The following RGS5 variants were observed in gnomAD, a reference collection of about 807,000 sequenced individuals.
RGS5 encodes regulator of G-protein signalling 5.
In RGS5, 20 loss-of-function variants were observed where a neutral mutation model predicts 18.9. The observed-to-expected ratio is 1.06, with a 90% CI of 0.74 to 1.54. RGS5 has a LOEUF of 1.54. RGS5 is among the 40% of genes most tolerant of loss of function. The pLI is 0.00. For synonymous variants in RGS5, 57 were observed against 76.2 expected, an observed-to-expected ratio of 0.75 and a Z score of 1.31; for missense variants, 201 against 211.8, an observed-to-expected ratio of 0.95 and a Z score of 0.32.
chr1:163,205,117 G>A (rs1659912775), upstream of RGS5, among the ~76,000 whole-genome samples: 1 of 152,138 alleles, frequency 6.6e-6, no homozygotes, highest in South Asian at 2.1e-4. Context: ...GTAAAAGAGT[G>A]TGCTCTAGAG....
chr1:163,169,204 A>G (rs1395484118), intron 1 of RGS5, among the ~76,000 whole-genome samples: 1 of 152,006 alleles, frequency 6.6e-6, no homozygotes, highest in East Asian at 1.9e-4. Flanking sequence ...ATCATTTTTT[A>G]TGGCTGCATA....
At position 163,172,646 on chromosome 1, in the gene RGS5, A is replaced by G. The variant is rs1159608395; in HGVS notation, c.45-4278T>C. ...AGTGCTTTGGAAAACACTTCTTTCTATGGCTTCAGTTTCTGGCTTGGTATA... is the reference window on the plus strand; with the variant it reads ...AGTGCTTTGGAAAACACTTCTTTCTGTGGCTTCAGTTTCTGGCTTGGTATA... On this transcript the variant is annotated intron_variant, in intron 1 of 4. Coordinates refer to ENST00000313961, the MANE Select transcript of RGS5 (RefSeq NM_003617.4). The G allele has an allele frequency of 5.8e-6, 9 of 1,544,398 alleles. No individual in the cohort carries two copies. The South Asian group carries it at 6.0e-5, about 10-fold the overall frequency.
chr1:163,221,477 C>A (rs1340206761), upstream of RGS5, among the ~76,000 whole-genome samples: 1 of 149,824 alleles, frequency 6.7e-6, no homozygotes, highest in Non-Finnish European at 1.5e-5. Context: ...CAGAGCAAGA[C>A]TACATCTCAA....
chr1:163,268,601 T>C (rs778724869), intron 2 of RGS5, among the ~76,000 whole-genome samples: 10 of 152,166 alleles, frequency 6.6e-5, no homozygotes, highest in African/African-American at 2.4e-4. Flanking sequence ...AACTCTCACA[T>C]GCCAAACCAA....
intron 2 of RGS5, among the ~76,000 whole-genome samples, chr1:163,222,760 T>C (rs1031416928): frequency 6.6e-6 from 1 of 152,198 alleles, no homozygotes; most frequent in African/African-American, 2.4e-5. Flanking sequence ...CAGGGGTTCT[T>C]TGTTGAGATG....
chr1:163,147,537 C>T (rs757235849), intron 4 of RGS5, 34 bp from the exon 5 acceptor site: 1 of 1,491,328 alleles, frequency 6.7e-7, no homozygotes, highest in Admixed American at 2.3e-5. Flanking sequence ...CTACATAAGC[C>T]TAAGTTATAG....
At chr1:163,270,239 T>C (rs936867051) in intron 2 of RGS5, among the ~76,000 whole-genome samples, 5 of 151,248 alleles carry the variant, frequency 3.3e-5, no homozygotes, top group Admixed American at 2.0e-4. Context: ...GGGCTGGGCA[T>C]GGTGGCTCAC....
At chr1:163,241,578 C>G (rs1196063141) in intron 2 of RGS5, among the ~76,000 whole-genome samples, 1 of 152,098 alleles carries the variant, frequency 6.6e-6, no homozygotes, top group Non-Finnish European at 1.5e-5. Context: ...CTTATGCAAC[C>G]CACGGTCGTT....
chr1:163,298,803 C>G (rs996317561), intron 2 of RGS5, among the ~76,000 whole-genome samples: 1 of 152,116 alleles, frequency 6.6e-6, no homozygotes, highest in African/African-American at 2.4e-5. Flanking sequence ...CTTGTATTTG[C>G]TGTTTCCCAA....
At chr1:163,148,460 C>A (rs1239209516) in intron 4 of RGS5, among the ~76,000 whole-genome samples, 1 of 152,200 alleles carries the variant, frequency 6.6e-6, no homozygotes, top group Admixed American at 6.5e-5. Flanking sequence ...GTGCCAGGCA[C>A]TTTGCACGGA....
At chr1:163,251,531 A>C (rs1648106316) in intron 2 of RGS5, among the ~76,000 whole-genome samples, 2 of 152,074 alleles carry the variant, frequency 1.3e-5, no homozygotes, top group South Asian at 4.2e-4. Flanking sequence ...TGGTCCTTGG[A>C]CTTCTCATCT....
chr1:163,176,534 T>C (rs1428780185), intron 1 of RGS5, among the ~76,000 whole-genome samples: 2 of 150,158 alleles, frequency 1.3e-5, no homozygotes, highest in Non-Finnish European at 3.0e-5. Flanking sequence ...GGCAGGAGAA[T>C]CCCTTGAACC....
intron 2 of RGS5, among the ~76,000 whole-genome samples, chr1:163,272,829 C>G (rs1648754235): frequency 6.6e-6 from 1 of 151,982 alleles, no homozygotes; most frequent in Non-Finnish European, 1.5e-5. Flanking sequence ...TTTATTACTA[C>G]AGCTTTATGA....
At chr1:163,184,813 C>T (rs1659002576) in intron 1 of RGS5, among the ~76,000 whole-genome samples, 1 of 152,106 alleles carries the variant, frequency 6.6e-6, no homozygotes, top group African/African-American at 2.4e-5. Flanking sequence ...CCCAGAACCT[C>T]CAGGAGGAAT....
chr1:163,241,095 T>G (rs1647780773), intron 2 of RGS5, among the ~76,000 whole-genome samples: 1 of 152,250 alleles, frequency 6.6e-6, no homozygotes. Flanking sequence ...CCACTCTCTC[T>G]GAAATTCTGT....
intron 1 of RGS5, among the ~76,000 whole-genome samples, chr1:163,177,218 G>A (rs1658595945): frequency 6.6e-6 from 1 of 152,190 alleles, no homozygotes; most frequent in African/African-American, 2.4e-5. Flanking sequence ...AACCCTTAGA[G>A]ATGGCACCTG....
upstream of RGS5, among the ~76,000 whole-genome samples, chr1:163,221,441 A>T (rs938433051): frequency 6.6e-6 from 1 of 152,160 alleles, no homozygotes; most frequent in Admixed American, 6.5e-5. Context: ...GGCTGCAGTG[A>T]GCCAAGATCA....
intron 2 of RGS5, among the ~76,000 whole-genome samples, chr1:163,250,309 A>G (rs1648071812): frequency 6.6e-6 from 1 of 152,250 alleles, no homozygotes; most frequent in South Asian, 2.1e-4. Context: ...AAAAAGAGCC[A>G]AAGACAAATA....
At chr1:163,311,288 C>A (rs2175014) in intron 1 of RGS5, among the ~76,000 whole-genome samples, 2 of 152,062 alleles carry the variant, frequency 1.3e-5, no homozygotes, top group African/African-American at 2.4e-5. Flanking sequence ...CTGATTTGAT[C>A]TATCCAGACC....
Sources: allele counts gnomAD v4.1 joint callset (sites outside exome capture counted in the v4.1 genomes callset), GRCh38; gene constraint gnomAD v4.1.1; transcripts MANE v1.5; gene names NCBI Gene and HGNC (gene_info 2026-07-23, HGNC 2026-07-21).